Variants in CFAP74 observed in about 807,000 individuals in gnomAD.
CFAP74 encodes cilia and flagella associated protein 74.
In CFAP74, 124 loss-of-function variants were observed where a neutral mutation model predicts 188.9. The ratio of observed to expected loss-of-function variants is 0.66; its 90% CI spans 0.57 to 0.76. CFAP74 has a LOEUF of 0.76. Among genes scored for constraint, CFAP74 ranks in the 30% least tolerant of loss-of-function variants. The probability of loss-of-function intolerance (pLI) is 0.00; values close to 1 mark genes in which losing one functional copy is unlikely to be tolerated. For missense variants in CFAP74, 2,198 were observed against 2,165.2 expected (o/e 1.02, Z -0.30); for synonymous variants, 956 against 916.7 (o/e 1.04, Z -0.77).
chr1:1,939,214 A>G (rs1010445358), intron 24 of CFAP74, among the ~76,000 whole-genome samples: 13 of 152,190 alleles, frequency 8.5e-5, no homozygotes, highest in Admixed American at 2.6e-4. Flanking sequence ...GTGCACGCAT[A>G]TGTGTGTGTG....
Position 1,924,515 on chromosome 1 carries a change from C to A in CFAP74, c.4110G>T (p.Gln1370His). Residue 1370 changes from glutamine (Q) to histidine (H), a missense_variant, in exon 34 of 39, where the codon CAG (glutamine) becomes CAT (histidine). Coordinates refer to ENST00000682832, the MANE Select transcript of CFAP74 (RefSeq NM_001304360.2). ...GESVSSGFKL[Q>H]NNSLLPIKFS... is the part of the protein sequence containing the mutation. The stretch of plus-strand genomic sequence containing the variant: ...ACTTGATGGGGAGCAGAGAGTTGTT[C>A]TGCAGCTGCAGAGAGCAGGCCGCGG... 6.2e-7 allele frequency: 1 copy of A among 1,606,078 alleles called. No individual in the cohort carries two copies. Among genetic ancestry groups the A allele is most frequent in the South Asian group, 1.1e-5 (1 of 89,914 alleles).
chr1:1,966,488 C>A lies in CFAP74; in HGVS notation c.1284G>T (p.Leu428Phe), dbSNP rs553969437. Residue 428 changes from leucine (L) to phenylalanine (F), a missense_variant, in exon 12 of 39, where the codon TTG becomes TTT. Leu to Phe is a conservative substitution (Grantham distance 22). Transcript: ENST00000682832. ...EAAAGPGPSR[L>F]LEVVSSELIQ... ...TAAGCTCACTGGAAACGACTTCCAG[C>A]AACCGAGAGGGCCCGGGGCCTGCAG... is the stretch of plus-strand genomic sequence containing the variant. 4.1e-5 allele frequency: 65 copies of A among 1,598,926 alleles called. 1 individual carries two copies. The South Asian group carries it at 6.5e-4, about 16-fold the overall frequency.
At chr1:1,964,695 C>T (rs1260503785) in intron 13 of CFAP74, among the ~76,000 whole-genome samples, 193 bp downstream of exon 13, 1 of 152,222 alleles carries the variant, frequency 6.6e-6, no homozygotes, top group East Asian at 1.9e-4. Context: ...GAGGCTGAGG[C>T]AGGAGAATCG....
chr1:1,981,964 C>T (rs56067355), intron 6 of CFAP74, among the ~76,000 whole-genome samples: 1 of 68,614 alleles, frequency 1.5e-5, no homozygotes, highest in African/African-American at 5.4e-5. Context: ...CACACAGCCG[C>T]GGACAGACAC....
At chr1:1,979,684 GTGACGAGGCTGCGCAGAACACGCA>G (rs1656701008) in intron 6 of CFAP74, among the ~76,000 whole-genome samples, 1 of 125,580 alleles carries the variant, frequency 8.0e-6, no homozygotes, top group African/African-American at 2.9e-5. Context: ...AAGGTGTCGC[GTGACGAGGCTGCGCAGAACACGCA>G]TGTCATGCTG....
chr1:1,934,049 C>G (rs1483474124), intron 25 of CFAP74, among the ~76,000 whole-genome samples: 1 of 152,192 alleles, frequency 6.6e-6, no homozygotes, highest in Non-Finnish European at 1.5e-5. Flanking sequence ...CAAGCAAAAT[C>G]CAGACCAGCA....
intron 18 of CFAP74, 186 bp downstream of exon 18, chr1:1,955,505 G>A (rs545632146): frequency 5.6e-6 from 9 of 1,604,692 alleles, no homozygotes; most frequent in African/African-American, 5.4e-5. Flanking sequence ...GTACATTTTC[G>A]TCCACTCCAA....
At chr1:1,924,037 C>T (rs1479815823) in intron 34 of CFAP74, 108 bp from the exon 35 acceptor site, 3 of 1,137,394 alleles carry the variant, frequency 2.6e-6, no homozygotes, top group Non-Finnish European at 3.6e-6. Flanking sequence ...CCTGCAGAGC[C>T]CCTGTCCTGC....
At chr1:1,960,647 G>A (rs925036617) in intron 14 of CFAP74, among the ~76,000 whole-genome samples, 3 of 152,246 alleles carry the variant, frequency 2.0e-5, no homozygotes, top group African/African-American at 7.2e-5. Context: ...AATGTGCTTG[G>A]TTTAGAAATG....
At chr1:1,935,946 A>G (rs907060757) in intron 25 of CFAP74, among the ~76,000 whole-genome samples, 18 of 152,016 alleles carry the variant, frequency 1.2e-4, no homozygotes, top group African/African-American at 4.1e-4. Context: ...GGTCAGGTGT[A>G]GTGGCTCATG....
At chr1:1,930,381 G>A (rs1184492082) in intron 25 of CFAP74, 45 bp from the exon 26 acceptor site, 6 of 1,472,784 alleles carry the variant, frequency 4.1e-6, no homozygotes, top group South Asian at 2.7e-5. Context: ...CAGGGCGTCC[G>A]TGTCCCTCTG....
intron 18 of CFAP74, among the ~76,000 whole-genome samples, chr1:1,949,412 C>T (rs144898803): frequency 3.3e-5 from 5 of 152,092 alleles, no homozygotes; most frequent in African/African-American, 1.2e-4. Context: ...CGCTTGGCCT[C>T]CCAAAGTGCT....
chr1:1,953,333 T>C (rs933649448), intron 18 of CFAP74: 8 of 151,498 alleles, frequency 5.3e-5, no homozygotes, highest in Non-Finnish European at 8.8e-5. Context: ...TTTACTCTTA[T>C]AGGCCAGGCT....
At chr1:1,928,939 C>T in intron 26 of CFAP74, 57 bp from the exon 27 acceptor site, 1 of 1,210,308 alleles carries the variant, frequency 8.3e-7, no homozygotes, top group Non-Finnish European at 1.2e-6. Context: ...CTCCCCGGAG[C>T]CCCTGCGGGC....
Position 1,925,951 on chromosome 1 carries a change from C to T in CFAP74, c.3949-13G>A, listed in dbSNP as rs746274814. 1.1e-5 allele frequency: 18 copies of T among 1,586,492 alleles called. No individual in the cohort carries two copies. The highest frequency in any genetic ancestry group is 1.8e-5 in the Admixed American group (1 of 55,470). ...GTGTTTCTTGAGCCTAAAGAGACCA[C>T]ATCGCTCAGCCAGGAACCGATGTCT... On this transcript the variant is annotated splice_polypyrimidine_tract_variant and intron_variant, in intron 32 of 38. Coordinates refer to ENST00000682832, the MANE Select transcript of CFAP74 (RefSeq NM_001304360.2).
intron 25 of CFAP74, among the ~76,000 whole-genome samples, chr1:1,938,573 G>T (rs1653116276): frequency 6.6e-6 from 1 of 151,814 alleles, no homozygotes; most frequent in African/African-American, 2.4e-5. Flanking sequence ...CACACACACA[G>T]GCACACTCGC....
At chr1:1,955,118 G>C (rs927506969) in intron 18 of CFAP74, 13 of 1,287,352 alleles carry the variant, frequency 1.0e-5, no homozygotes, top group Non-Finnish European at 1.3e-5. Context: ...CCAGCTCCGC[G>C]CTGAGCTGCA....
chr1:1,933,555 G>A (rs1652588209), intron 25 of CFAP74, among the ~76,000 whole-genome samples: 1 of 152,176 alleles, frequency 6.6e-6, no homozygotes, highest in Non-Finnish European at 1.5e-5. Context: ...CCTCAAAATT[G>A]TCAGGTTCCC....
Position 1,923,596 on chromosome 1 carries a change from G to A in CFAP74, c.4390-97C>T, listed in dbSNP as rs1291439992. The A allele has an allele frequency of 1.9e-6, 3 of 1,543,772 alleles. No homozygotes were observed. The highest frequency in any genetic ancestry group is 1.4e-5 in the African/African-American group (1 of 72,782). On this transcript the variant is annotated intron_variant, in intron 35 of 38. Coordinates refer to ENST00000682832, the MANE Select transcript of CFAP74 (RefSeq NM_001304360.2). This position sits in a 1 kb window ranked among gnomAD's most constrained non-coding sequence, Gnocchi z 6.3. ...TGGCTCAGGGAAGGAAGCAGGGACG[G>A]CCTGGGGGCCCCGTGGGGCCCTGGA...
Sources: gnomAD v4.1 joint callset for allele counts (sites outside exome capture counted in the v4.1 genomes callset) on GRCh38, gnomAD v4.1.1 for gene constraint, Gnocchi (gnomAD v3.1) non-coding constraint, MANE v1.5 for transcripts, NCBI Gene and HGNC (gene_info 2026-07-23, HGNC 2026-07-21) for gene names.